Variants in CSMD1 observed in about 807,000 individuals in gnomAD.
The protein encoded by CSMD1 is CUB and sushi domain-containing protein 1.
Under a neutral mutation model 417.5 loss-of-function variants are expected in CSMD1, and 213 were observed. The observed-to-expected ratio is 0.51, with a 90% CI of 0.46 to 0.57. The LOEUF (loss-of-function observed/expected upper bound fraction) is 0.57, where lower values mean the gene tolerates loss of function less well. Among genes scored for constraint, CSMD1 ranks in the 20% least tolerant of loss-of-function variants. CSMD1 has a pLI of 0.00. For synonymous variants in CSMD1, 2,862 were observed against 1,736.8 expected (o/e 1.65, Z -16.11); for missense variants, 6,923 against 4,529.7 (o/e 1.53, Z -15.17).
chr8:4,439,575 A>G (rs182340608), intron 2 of CSMD1, among the ~76,000 whole-genome samples: 252 of 152,282 alleles, frequency 1.7e-3, no homozygotes, highest in African/African-American at 5.4e-3. Flanking sequence ...CTGAAAATAC[A>G]TATTTCTTTA....
At chr8:4,315,478 C>G (rs1250739034) in intron 3 of CSMD1, among the ~76,000 whole-genome samples, 1 of 151,996 alleles carries the variant, frequency 6.6e-6, no homozygotes, top group African/African-American at 2.4e-5. Context: ...AGGCCTGACT[C>G]AAGATAAAGG....
intron 49 of CSMD1, among the ~76,000 whole-genome samples, chr8:3,063,411 C>T (rs1812720078): frequency 6.6e-6 from 1 of 152,122 alleles, no homozygotes; most frequent in African/African-American, 2.4e-5. Flanking sequence ...GACTGTTAAA[C>T]AATACAGCCA....
chr8:4,391,172 A>G (rs1227576620), intron 3 of CSMD1, among the ~76,000 whole-genome samples: 1 of 152,186 alleles, frequency 6.6e-6, no homozygotes, highest in African/African-American at 2.4e-5. Context: ...GGCAAGAACT[A>G]TTCTTCATCA....
intron 3 of CSMD1, among the ~76,000 whole-genome samples, chr8:4,245,001 C>G (rs964397238): frequency 6.6e-6 from 1 of 152,100 alleles, no homozygotes; most frequent in Non-Finnish European, 1.5e-5. Context: ...CGACAAACAT[C>G]AAAAAGAATC....
intron 2 of CSMD1, among the ~76,000 whole-genome samples, chr8:4,528,721 G>C (rs1796644962): frequency 6.6e-6 from 1 of 151,798 alleles, no homozygotes; most frequent in Non-Finnish European, 1.5e-5. Context: ...GCTTTTTGTA[G>C]GTCAAAAAAA....
At chr8:4,416,543 C>T (rs1012251138) in intron 3 of CSMD1, among the ~76,000 whole-genome samples, 3 of 151,964 alleles carry the variant, frequency 2.0e-5, no homozygotes, top group Non-Finnish European at 2.9e-5. Flanking sequence ...ATAATAGATG[C>T]ACGCATTTCC....
chr8:4,032,157 C>A, intron 3 of CSMD1, 58 bp from the exon 4 acceptor site: 2 of 1,324,038 alleles, frequency 1.5e-6, no homozygotes, highest in Non-Finnish European at 2.1e-6. Context: ...TGGAGAGCCA[C>A]TTATAAGATA....
chr8:4,096,006 T>A (rs759288596), intron 3 of CSMD1, among the ~76,000 whole-genome samples: 1 of 152,082 alleles, frequency 6.6e-6, no homozygotes, highest in Non-Finnish European at 1.5e-5. Context: ...GTCAGAAACA[T>A]AGGAAAGGAT....
Position 4,341,949 on chromosome 8 carries a change from G to C in CSMD1, c.415+78004C>G, listed in dbSNP as rs117061163. On this transcript the variant is annotated intron_variant, in intron 3 of 69. Coordinates refer to ENST00000635120, the MANE Select transcript of CSMD1 (RefSeq NM_033225.6). ...AGTACTATGCTTTGTCCAATGGACT[G>C]ACACATATTACCCTGGTTCAAGAGA... 1.2e-4 allele frequency among the ~76,000 whole-genome samples: 18 copies of C among 152,228 alleles called. No individual in the cohort carries two copies. The East Asian group carries it at 2.7e-3, about 23-fold the overall frequency.
At chr8:4,174,987 C>G (rs1465070274) in intron 3 of CSMD1, among the ~76,000 whole-genome samples, 3 of 151,298 alleles carry the variant, frequency 2.0e-5, no homozygotes, top group Non-Finnish European at 2.9e-5. Context: ...GAGATACTTG[C>G]TGAATTGGAA....
At chr8:4,376,375 G>A (rs1171495415) in intron 3 of CSMD1, among the ~76,000 whole-genome samples, 1 of 152,130 alleles carries the variant, frequency 6.6e-6, no homozygotes, top group Non-Finnish European at 1.5e-5. Flanking sequence ...CTTACTGTGA[G>A]TAACCATATG....
chr8:3,742,584 G>C (rs567698414), intron 6 of CSMD1, among the ~76,000 whole-genome samples: 1 of 152,018 alleles, frequency 6.6e-6, no homozygotes, highest in Non-Finnish European at 1.5e-5. Context: ...CCTCTGCCCC[G>C]GGCCAGTAGT....
At chr8:4,566,557 G>A (rs1798617583) in intron 2 of CSMD1, among the ~76,000 whole-genome samples, 1 of 150,908 alleles carries the variant, frequency 6.6e-6, no homozygotes, top group Admixed American at 6.6e-5. Flanking sequence ...GGAGGCTGAG[G>A]CAGGAGAGTG....
intron 31 of CSMD1, 38 bp from the exon 32 acceptor site, chr8:3,201,763 C>T (rs973192763): frequency 2.4e-6 from 3 of 1,249,986 alleles, no homozygotes; most frequent in Non-Finnish European, 2.3e-6. Flanking sequence ...ACAAGATGCT[C>T]TAAGAAAACA....
intron 8 of CSMD1, among the ~76,000 whole-genome samples, chr8:3,588,345 A>G (rs921393399): frequency 1.5e-4 from 23 of 152,186 alleles, no homozygotes; most frequent in African/African-American, 5.3e-4. Flanking sequence ...ATAAAGCACC[A>G]TGAAGAAAAT....
chr8:3,985,074 G>A (rs1814217585), intron 5 of CSMD1, among the ~76,000 whole-genome samples: 1 of 151,978 alleles, frequency 6.6e-6, no homozygotes, highest in Non-Finnish European at 1.5e-5. Flanking sequence ...CAAAAACACT[G>A]TGGCTTTTAT....
intron 12 of CSMD1, among the ~76,000 whole-genome samples, chr8:3,462,806 G>T (rs1393517747): frequency 6.6e-6 from 1 of 152,140 alleles, no homozygotes; most frequent in Non-Finnish European, 1.5e-5. Flanking sequence ...TCTTATCTAA[G>T]AACCTGATGT....
chr8:3,895,095 C>T (rs1220521213), intron 5 of CSMD1, among the ~76,000 whole-genome samples: 2 of 152,126 alleles, frequency 1.3e-5, no homozygotes, highest in Non-Finnish European at 2.9e-5. Flanking sequence ...CATTCAAGGA[C>T]TTCTTAACAT....
chr8:4,498,407 G>C (rs1160885280), intron 2 of CSMD1, among the ~76,000 whole-genome samples: 2 of 151,964 alleles, frequency 1.3e-5, no homozygotes, highest in Non-Finnish European at 2.9e-5. Context: ...TTCTAAATCA[G>C]TTCATAATAT....
Sources: gnomAD v4.1 joint callset for allele counts (sites outside exome capture counted in the v4.1 genomes callset) on GRCh38, gnomAD v4.1.1 for gene constraint, MANE v1.5 for transcripts, NCBI Gene and HGNC (gene_info 2026-07-23, HGNC 2026-07-21) for gene names.